NRG1: variants seen among roughly 807,000 people sequenced by gnomAD.
NRG1 encodes neuregulin 1.
A neutral mutation model predicts 63.8 loss-of-function variants in NRG1; 18 were observed. That is an observed-to-expected ratio of 0.28 (90% CI 0.19 to 0.42). The LOEUF (loss-of-function observed/expected upper bound fraction) is 0.42, where lower values mean the gene tolerates loss of function less well. NRG1 is among the 10% of genes least tolerant of loss of function. NRG1 has a pLI of 1.00. For synonymous variants in NRG1, 302 were observed against 301.3 expected (o/e 1.00, Z -0.02); for missense variants, 762 against 814.7 (o/e 0.94, Z 0.79).
intron 5 of NRG1, among the ~76,000 whole-genome samples, chr8:32,713,171 C>T (rs906395514): frequency 5.3e-5 from 8 of 152,102 alleles, no homozygotes; most frequent in East Asian, 1.9e-4. Flanking sequence ...GACTTATCAA[C>T]GAAGATCCTT....
At chr8:32,536,009 A>C (rs888796314) in intron 1 of NRG1, among the ~76,000 whole-genome samples, 2 of 152,210 alleles carry the variant, frequency 1.3e-5, no homozygotes, top group African/African-American at 4.8e-5. Context: ...ACACTACATC[A>C]ATTAAAATTA....
At chr8:32,056,664 A>T (rs1369834396) in intron 1 of NRG1, among the ~76,000 whole-genome samples, 2 of 152,118 alleles carry the variant, frequency 1.3e-5, no homozygotes, top group Non-Finnish European at 2.9e-5. Flanking sequence ...TCTGTAAATC[A>T]ACTCACTGCA....
At chr8:31,709,138 C>T (rs1563315198) in intron 1 of NRG1, among the ~76,000 whole-genome samples, 2 of 150,642 alleles carry the variant, frequency 1.3e-5, no homozygotes, top group African/African-American at 4.9e-5. Flanking sequence ...CAAGGTTCAA[C>T]TGTAGTCCTT....
At chr8:31,824,971 G>T (rs1043647772) in intron 1 of NRG1, among the ~76,000 whole-genome samples, 2 of 152,202 alleles carry the variant, frequency 1.3e-5, no homozygotes, top group Non-Finnish European at 2.9e-5. Context: ...TAGTTATATT[G>T]TATATGTTTT....
intron 1 of NRG1, among the ~76,000 whole-genome samples, chr8:32,097,115 G>T (rs931024568): frequency 6.6e-6 from 1 of 152,078 alleles, no homozygotes. Flanking sequence ...TTTGTGTCAG[G>T]CTTATTTCAT....
chr8:31,702,074 TA>T (rs1810684216), intron 1 of NRG1, among the ~76,000 whole-genome samples: 1 of 152,222 alleles, frequency 6.6e-6, no homozygotes, highest in Admixed American at 6.5e-5. Flanking sequence ...ATCACTGACA[TA>T]GAGGAGATTC....
chr8:31,854,334 G>T (rs1303093713), intron 1 of NRG1, among the ~76,000 whole-genome samples: 1 of 152,176 alleles, frequency 6.6e-6, no homozygotes, highest in African/African-American at 2.4e-5. Context: ...TCCTGGTTTA[G>T]TCTTGGGAGA....
intron 1 of NRG1, among the ~76,000 whole-genome samples, chr8:32,447,075 G>T (rs550540030): frequency 5.3e-5 from 8 of 151,328 alleles, no homozygotes; most frequent in Non-Finnish European, 1.2e-4. Context: ...GTGCAGTGGC[G>T]CAGTCTCAGC....
intron 1 of NRG1, among the ~76,000 whole-genome samples, chr8:32,380,113 T>G (rs1426854046): frequency 6.6e-6 from 1 of 152,168 alleles, no homozygotes; most frequent in Non-Finnish European, 1.5e-5. Flanking sequence ...TATCTCCACA[T>G]TGCCAAATTC....
intron 5 of NRG1, among the ~76,000 whole-genome samples, chr8:32,642,152 G>T (rs1852529395): frequency 6.6e-6 from 1 of 152,094 alleles, no homozygotes; most frequent in Non-Finnish European, 1.5e-5. Context: ...TGGAGAGGAG[G>T]AGTATAGAGG....
At chr8:32,431,416 T>G (rs2347496) in intron 1 of NRG1, among the ~76,000 whole-genome samples, 65,484 of 151,822 alleles carry the variant, frequency 0.43, 14,867 homozygotes, top group East Asian at 0.82. Flanking sequence ...CCAGCACTTA[T>G]TCTCAGGCCT....
intron 1 of NRG1, among the ~76,000 whole-genome samples, chr8:31,917,516 A>C (rs887890914): frequency 2.0e-5 from 3 of 151,484 alleles, no homozygotes; most frequent in African/African-American, 7.3e-5. Context: ...AGATAGTTGT[A>C]GATATGCGGC....
intron 1 of NRG1, among the ~76,000 whole-genome samples, chr8:31,959,783 T>TTTATTTA (rs1554586478): frequency 8.4e-6 from 1 of 118,760 alleles, no homozygotes; most frequent in Non-Finnish European, 1.7e-5. Context: ...CCACCGATTA[T>TTTATTTA]TTATTTATTT....
chr8:32,708,738 C>T (rs1817062842), intron 5 of NRG1, among the ~76,000 whole-genome samples: 1 of 152,146 alleles, frequency 6.6e-6, no homozygotes, highest in South Asian at 2.1e-4. Flanking sequence ...TCTTTCCTTT[C>T]TCTCGGTTTC....
intron 1 of NRG1, among the ~76,000 whole-genome samples, chr8:32,284,273 G>A (rs772504469): frequency 2.3e-4 from 35 of 152,140 alleles, no homozygotes; most frequent in Non-Finnish European, 3.8e-4. Flanking sequence ...GCCTTGAGTA[G>A]AAATCTCCTA....
At chr8:32,279,714 T>C (rs944455343) in intron 1 of NRG1, among the ~76,000 whole-genome samples, 1 of 152,226 alleles carries the variant, frequency 6.6e-6, no homozygotes, top group African/African-American at 2.4e-5. Flanking sequence ...AGAGGTATAA[T>C]TTGGATTTTA....
chr8:32,385,761 A>G (rs1305106299), intron 1 of NRG1, among the ~76,000 whole-genome samples: 2 of 152,142 alleles, frequency 1.3e-5, no homozygotes, highest in African/African-American at 4.8e-5. Context: ...TTACAATAGA[A>G]CATGGGATTT....
chr8:32,617,937 A>G (rs1847672353), intron 5 of NRG1, among the ~76,000 whole-genome samples: 1 of 152,156 alleles, frequency 6.6e-6, no homozygotes, highest in Non-Finnish European at 1.5e-5. Flanking sequence ...TTATTGTGTG[A>G]AGTATGGTGT....
intron 1 of NRG1, among the ~76,000 whole-genome samples, chr8:32,487,733 A>G (rs959912020): frequency 2.6e-5 from 4 of 152,144 alleles, no homozygotes; most frequent in African/African-American, 7.2e-5. Context: ...GGGGAACACA[A>G]TCTGGTTTCT....
Sources: gnomAD v4.1 joint callset for allele counts (sites outside exome capture counted in the v4.1 genomes callset) on GRCh38, gnomAD v4.1.1 for gene constraint, MANE v1.5 for transcripts, NCBI Gene and HGNC (gene_info 2026-07-23, HGNC 2026-07-21) for gene names.